CEP76: variants seen among roughly 807,000 people sequenced by gnomAD.
The protein encoded by CEP76 is centrosomal protein of 76 kDa.
Under a neutral mutation model 83.3 loss-of-function variants are expected in CEP76, and 55 were observed. The observed-to-expected ratio is 0.66, with a 90% CI of 0.53 to 0.83. CEP76 has a LOEUF of 0.83. Ranked by LOEUF, CEP76 falls within the 40% of genes least tolerant of loss-of-function variation. CEP76 has a pLI of 0.00. For synonymous variants in CEP76, 270 were observed against 274.5 expected (o/e 0.98, Z 0.16); for missense variants, 694 against 799.5 (o/e 0.87, Z 1.59).
chr18:12,678,525 A>C (rs529165047), intron 9 of CEP76, 83 bp from the exon 10 acceptor site: 8 of 894,446 alleles, frequency 8.9e-6, no homozygotes, highest in African/African-American at 1.7e-5. Context: ...TCTAACACTT[A>C]AGGCCATAAC....
Position 12,678,197 on chromosome 18 carries a change from G to A in CEP76, c.1535C>T (p.Pro512Leu), listed in dbSNP as rs2039213977. 1 of 1,614,042 alleles carries A rather than the reference G, an allele frequency of 6.2e-7. No homozygotes were observed. The highest frequency in any genetic ancestry group is 8.5e-7 in the Non-Finnish European group (1 of 1,180,022). ...PGATTSLPPF[P>L]PLCASTIDAS... ...GTCAATTGTGGATGCACACAGAGGT[G>A]GAAAGGGAGGAAGGGATGTTGTAGC... Residue 512 changes from proline (P) to leucine (L), a missense_variant, in exon 10 of 12, where the codon CCA becomes CTA. Transcript: ENST00000262127.
At chr18:12,693,628 C>T (rs1165167475) in intron 6 of CEP76, among the ~76,000 whole-genome samples, 2 of 151,928 alleles carry the variant, frequency 1.3e-5, no homozygotes, top group Non-Finnish European at 2.9e-5. Flanking sequence ...ATTAAAAATA[C>T]AAAAATTAGC....
At chr18:12,700,068 C>A in intron 2 of CEP76, 163 bp from the exon 3 acceptor site, 3 of 434,298 alleles carry the variant, frequency 6.9e-6, no homozygotes, top group Non-Finnish European at 1.2e-5. Context: ...AAAATAAAAG[C>A]CTGCATAAAA....
In CEP76 at chr18:12,672,997, G is replaced by A. The variant is rs867931835; in HGVS notation, c.*368C>T. On this transcript the variant is annotated 3_prime_UTR_variant, in exon 12 of 12. Transcript: ENST00000262127. The stretch of plus-strand genomic sequence containing the variant: ...ACCTGTGAAAAGTAATGATCATACT[G>A]ATTTGTCTAGGGCTCAAACCCTTAG... The A allele has an allele frequency of 5.0e-6, 5 of 993,090 alleles. No homozygotes were observed. The highest frequency in any genetic ancestry group is 6.0e-6 in the Non-Finnish European group (5 of 835,272). 61.5% of individuals were successfully genotyped at this position (993,090 alleles called of 1,614,324 possible).
At position 12,698,150 on chromosome 18, in the gene CEP76, TTTTTA is replaced by T. The variant is rs139947614; in HGVS notation, c.521-747_521-743del. Among the ~76,000 whole-genome samples the T allele has an allele frequency of 9.3e-3, 1,388 of 150,018 alleles. 6 individuals are homozygous for T. The highest frequency in any genetic ancestry group is 0.014 in the Non-Finnish European group (975 of 67,898). On this transcript the variant is annotated intron_variant, in intron 4 of 11. Coordinates refer to ENST00000262127, the MANE Select transcript of CEP76 (RefSeq NM_024899.4). ...TTATATGTTCACATCTAAATTTGACTTTTTATTTTATTTATATTTATTTGTAAGTA... is the reference window on the plus strand; with the variant it reads ...TTATATGTTCACATCTAAATTTGACTTTTTATTTATATTTATTTGTAAGTA...
chr18:12,679,690 G>T (rs2039277230), intron 9 of CEP76, among the ~76,000 whole-genome samples: 1 of 152,124 alleles, frequency 6.6e-6, no homozygotes, highest in Non-Finnish European at 1.5e-5. Flanking sequence ...CGTGGAGATG[G>T]TAACCACATC....
intron 9 of CEP76, among the ~76,000 whole-genome samples, chr18:12,679,731 T>G (rs2039278449): frequency 6.6e-6 from 1 of 152,122 alleles, no homozygotes; most frequent in African/African-American, 2.4e-5. Flanking sequence ...CATTTACAAC[T>G]TGAACTTATT....
At chr18:12,692,657 ATC>A (rs1415655782) in intron 6 of CEP76, among the ~76,000 whole-genome samples, 1 of 152,098 alleles carries the variant, frequency 6.6e-6, no homozygotes, top group Admixed American at 6.6e-5. Context: ...ACCTTCTACT[ATC>A]TGATTATTTT....
intron 11 of CEP76, among the ~76,000 whole-genome samples, chr18:12,673,753 C>A (rs1367821673): frequency 6.6e-6 from 1 of 151,962 alleles, no homozygotes; most frequent in Non-Finnish European, 1.5e-5. Context: ...TGGTGGCGGG[C>A]GTCTGTAATC....
chr18:12,669,032 C>CTTTTTTTTT (rs71174122), downstream of CEP76, among the ~76,000 whole-genome samples: 9 of 41,952 alleles, frequency 2.1e-4, 3 homozygotes, highest in African/African-American at 3.8e-4. Flanking sequence ...ACCCCCCGCA[C>CTTTTTTTTT]TTTTTTTTTT....
At chr18:12,666,803 A>C (rs1209909265) in intron 12 of CEP76, among the ~76,000 whole-genome samples, 1 of 152,090 alleles carries the variant, frequency 6.6e-6, no homozygotes, top group East Asian at 1.9e-4. Flanking sequence ...AACAACCTCT[A>C]CTTTATCACA....
At chr18:12,696,781 C>T (rs985153400) in intron 5 of CEP76, among the ~76,000 whole-genome samples, 1 of 152,122 alleles carries the variant, frequency 6.6e-6, no homozygotes, top group Non-Finnish European at 1.5e-5. Context: ...TCTTCCGAGT[C>T]TCACTCACCC....
intron 7 of CEP76, among the ~76,000 whole-genome samples, chr18:12,690,261 AAC>A (rs1208636526): frequency 6.6e-6 from 1 of 152,200 alleles, no homozygotes; most frequent in Non-Finnish European, 1.5e-5. Context: ...CTGGACACTA[AAC>A]CACTTTTAGC....
At chr18:12,693,094 G>A (rs919336915) in intron 6 of CEP76, among the ~76,000 whole-genome samples, 1 of 152,160 alleles carries the variant, frequency 6.6e-6, no homozygotes, top group Non-Finnish European at 1.5e-5. Context: ...AAAGTGCTGG[G>A]ATTACAGATT....
At chr18:12,689,358 T>C (rs1182708413) in intron 7 of CEP76, among the ~76,000 whole-genome samples, 1 of 152,154 alleles carries the variant, frequency 6.6e-6, no homozygotes, top group Non-Finnish European at 1.5e-5. Flanking sequence ...AGAGGTGGCA[T>C]AAACCAAAAA....
intron 8 of CEP76, among the ~76,000 whole-genome samples, chr18:12,683,853 A>G (rs1293949946): frequency 2.0e-5 from 3 of 152,068 alleles, no homozygotes; most frequent in African/African-American, 7.2e-5. Context: ...TTTATTTACA[A>G]TTATAATTAT....
rs759114067 is a variant in CEP76, at chr18:12,678,411, G to A, written c.1321C>T (p.Pro441Ser). The A allele has an allele frequency of 7.4e-6, 12 of 1,613,380 alleles. No homozygotes were observed. The highest frequency in any genetic ancestry group is 1.3e-5 in the African/African-American group (1 of 74,998). The change falls in exon 10 of 12, where the codon CCT (proline) becomes TCT (serine). Residue 441 changes from proline to serine, a missense_variant. Pro to Ser is a moderately conservative substitution (Grantham distance 74, BLOSUM62 -1). Coordinates refer to ENST00000262127, the MANE Select transcript of CEP76 (RefSeq NM_024899.4). ...YIHKPTNPDE[P>S]PVAEQPKPLY... ...GGTTTGGGCTGTTCAGCAACTGGAG[G>A]TTCATCAGGATTGGTAGGTTTATGG...
At chr18:12,677,287 A>G (rs2039170892) in intron 10 of CEP76, among the ~76,000 whole-genome samples, 1 of 151,940 alleles carries the variant, frequency 6.6e-6, no homozygotes, top group South Asian at 2.1e-4. Flanking sequence ...AAAAAATACA[A>G]AAACTGGCAG....
rs146537037 is a variant in CEP76, at chr18:12,701,979, T to C, written c.63+507A>G. Among the ~76,000 whole-genome samples the C allele has an allele frequency of 2.2e-3, 332 of 151,820 alleles. 2 individuals carry two copies. Among genetic ancestry groups the C allele is most frequent in the African/African-American group, 7.6e-3 (314 of 41,422 alleles). On this transcript the variant is annotated intron_variant, in intron 1 of 11. Coordinates refer to ENST00000262127, the MANE Select transcript of CEP76 (RefSeq NM_024899.4). ...CCGTCTCTACTAAAAATACAAAAAT[T>C]AGCCGAGCGTGGTGGCGCGCGCCTG...
Sources: gnomAD v4.1 joint callset for allele counts (sites outside exome capture counted in the v4.1 genomes callset) on GRCh38, gnomAD v4.1.1 for gene constraint, MANE v1.5 for transcripts, NCBI Gene and HGNC (gene_info 2026-07-23, HGNC 2026-07-21) for gene names.